The following COLGALT1 variants were observed in gnomAD, a reference collection of about 807,000 sequenced individuals.
COLGALT1 encodes the protein collagen beta(1-O)galactosyltransferase 1.
Under a neutral mutation model 60.8 loss-of-function variants are expected in COLGALT1, and 43 were observed. The ratio of observed to expected loss-of-function variants is 0.71; its 90% CI spans 0.55 to 0.91. The LOEUF (loss-of-function observed/expected upper bound fraction) is 0.91. Among genes scored for constraint, COLGALT1 ranks in the 40% least tolerant of loss-of-function variants. The probability of loss-of-function intolerance (pLI) is 0.00; values close to 1 mark genes in which losing one functional copy is unlikely to be tolerated. For missense variants in COLGALT1, 845 were observed against 880.0 expected, an observed-to-expected ratio of 0.96 and a Z score of 0.50; for synonymous variants, 369 against 374.2, an observed-to-expected ratio of 0.99 and a Z score of 0.16.
intron 4 of COLGALT1, 140 bp downstream of exon 4, chr19:17,567,680 T>G (rs770130476): frequency 1.1e-6 from 1 of 932,484 alleles, no homozygotes; most frequent in Non-Finnish European, 1.6e-6. Flanking sequence ...GGCTCACACC[T>G]GTAACCCCAG....
At position 17,581,074 on chromosome 19, in the gene COLGALT1, G is replaced by C. The variant is rs992449032; in HGVS notation, c.1602-103G>C. 1.7e-5 allele frequency: 24 copies of C among 1,438,402 alleles called. No individual in the cohort carries two copies. In the East Asian group the frequency reaches 3.0e-4, roughly 18 times the overall value. 89.1% of individuals were successfully genotyped at this position (1,438,402 alleles called of 1,614,324 possible). A position where few individuals can be genotyped will look rare whatever the true frequency, so the allele number is the denominator to read the frequency against. Reference sequence around the variant, plus strand: ...CCATTTGTATCCCCTGCACACTTACGTTTTAATCTGTCCCCGCTGACTTCT... The same window carrying C: ...CCATTTGTATCCCCTGCACACTTACCTTTTAATCTGTCCCCGCTGACTTCT... On this transcript the variant is annotated intron_variant, in intron 11 of 11. Coordinates refer to ENST00000252599, the MANE Select transcript of COLGALT1 (RefSeq NM_024656.4).
chr19:17,573,695 C>A (rs1433991852), intron 6 of COLGALT1, among the ~76,000 whole-genome samples: 1 of 151,044 alleles, frequency 6.6e-6, no homozygotes, highest in African/African-American at 2.4e-5. Flanking sequence ...AAGTCTGTCT[C>A]AAAAATAATA....
At position 17,561,913 on chromosome 19, in the gene COLGALT1, C is replaced by T. The variant is rs1244102995; in HGVS notation, c.489+1448C>T. On this transcript the variant is annotated intron_variant, in intron 3 of 11. Transcript: ENST00000252599. ...TTTTTGAGACAGAGTCTCTGTTGCC[C>T]AGGTTGGAGTGCAGTGGCACAATCT... 3.9e-5 allele frequency among the ~76,000 whole-genome samples: 6 copies of T among 152,238 alleles called. No homozygotes were observed. In the East Asian group the frequency reaches 1.2e-3, roughly 29 times the overall value.
intron 9 of COLGALT1, among the ~76,000 whole-genome samples, chr19:17,579,067 C>G (rs1352818889): frequency 1.3e-5 from 2 of 151,146 alleles, no homozygotes; most frequent in African/African-American, 4.9e-5. Flanking sequence ...CCCAGCTGCT[C>G]AGGAGGCTGA....
At chr19:17,567,293 G>T in intron 3 of COLGALT1, 113 bp from the exon 4 acceptor site, 1 of 1,398,038 alleles carries the variant, frequency 7.2e-7, no homozygotes, top group Non-Finnish European at 9.8e-7. Context: ...CGGTGTAGGG[G>T]GTGCTTCCAG....
Position 17,572,648 on chromosome 19 carries a change from C to A in COLGALT1, c.949+46C>A, listed in dbSNP as rs745970186. On this transcript the variant is annotated intron_variant, in intron 6 of 11. Coordinates refer to ENST00000252599, the MANE Select transcript of COLGALT1 (RefSeq NM_024656.4). Reference sequence around the variant, plus strand: ...CCCTGGGAGGTGCCAGGTTGCCTCCCTTTCACTGATGTCTCAAATCCGTCC... The same window carrying A: ...CCCTGGGAGGTGCCAGGTTGCCTCCATTTCACTGATGTCTCAAATCCGTCC... The A allele has an allele frequency of 2.5e-6, 4 of 1,609,738 alleles. No homozygotes were observed. In the East Asian group the frequency reaches 8.9e-5, roughly 36 times the overall value.
At chr19:17,577,158 C>G (rs576879176) in intron 6 of COLGALT1, 37 bp from the exon 7 acceptor site, 2 of 1,602,506 alleles carry the variant, frequency 1.2e-6, no homozygotes, top group East Asian at 2.2e-5. Flanking sequence ...CTGGAGGCTC[C>G]TTACCCCAGC....
At chr19:17,576,929 G>A (rs2076346050) in intron 6 of COLGALT1, 1 of 557,866 alleles carries the variant, frequency 1.8e-6, no homozygotes, top group Admixed American at 3.2e-5. Flanking sequence ...TGAAGCTGGG[G>A]CCTGGGGTGT....
chr19:17,580,561 A>T, intron 10 of COLGALT1, 138 bp from the exon 11 acceptor site: 1 of 791,254 alleles, frequency 1.3e-6, no homozygotes, highest in Non-Finnish European at 2.0e-6. Context: ...CATTCACTCC[A>T]TCCAGTCACA....
Position 17,582,811 on chromosome 19 carries a change from T to C in COLGALT1, c.*1367T>C, listed in dbSNP as rs2076392848. 6.6e-6 allele frequency: 1 copy of C among 152,282 alleles called. No individual in the cohort carries two copies. The highest frequency in any genetic ancestry group is 1.5e-5 in the Non-Finnish European group (1 of 68,074). 9.4% of individuals were successfully genotyped at this position (152,282 alleles called of 1,614,324 possible). A position where few individuals can be genotyped will look rare whatever the true frequency, so the allele number is the denominator to read the frequency against. On this transcript the variant is annotated 3_prime_UTR_variant, in exon 12 of 12. Transcript: ENST00000252599. ...GTCCTGGTGGCCCCACGCCACATGTTAGCCCCCCTGGAGGGGGCGCCAGTT... is the reference window on the plus strand; with the variant it reads ...GTCCTGGTGGCCCCACGCCACATGTCAGCCCCCCTGGAGGGGGCGCCAGTT...
At chr19:17,564,086 CA>C (rs201180929) in intron 3 of COLGALT1, among the ~76,000 whole-genome samples, 138 of 142,328 alleles carry the variant, frequency 9.7e-4, no homozygotes, top group Admixed American at 1.3e-3. Flanking sequence ...CAAAAACTAA[CA>C]AAAAAAAAAA....
intron 3 of COLGALT1, among the ~76,000 whole-genome samples, chr19:17,562,257 G>A (rs947319116): frequency 6.6e-6 from 1 of 152,210 alleles, no homozygotes; most frequent in African/African-American, 2.4e-5. Context: ...GTGGTGGCTA[G>A]AGGTCCAACT....
intron 9 of COLGALT1, 64 bp from the exon 10 acceptor site, chr19:17,579,418 T>G: frequency 1.9e-6 from 3 of 1,607,998 alleles, no homozygotes; most frequent in Non-Finnish European, 2.6e-6. Context: ...AAAGCAAAGC[T>G]CTGTGCTTTA....
At chr19:17,558,336 A>T (rs2076226498) in intron 1 of COLGALT1, among the ~76,000 whole-genome samples, 1 of 148,800 alleles carries the variant, frequency 6.7e-6, no homozygotes, top group Non-Finnish European at 1.5e-5. Flanking sequence ...CGGCCTCTCA[A>T]AGTGCTGGGA....
intron 5 of COLGALT1, among the ~76,000 whole-genome samples, chr19:17,572,239 C>T (rs551678315): frequency 2.6e-5 from 4 of 151,310 alleles, no homozygotes; most frequent in South Asian, 2.1e-4. Context: ...ACCCGGGAGG[C>T]GGAGGTTGCA....
At chr19:17,569,464 G>A (rs866720908) in intron 5 of COLGALT1, among the ~76,000 whole-genome samples, 1 of 150,234 alleles carries the variant, frequency 6.7e-6, no homozygotes, top group African/African-American at 2.5e-5. Flanking sequence ...TTGAAGTAGA[G>A]TCTTGCTCTG....
chr19:17,572,206 G>T (rs1271943764), intron 5 of COLGALT1, among the ~76,000 whole-genome samples: 1 of 152,000 alleles, frequency 6.6e-6, no homozygotes, highest in Middle Eastern at 3.2e-3. Context: ...TACTAGGGAG[G>T]CTGAGGCAGG....
rs187924902 is a variant in COLGALT1, at chr19:17,581,720, T to C, written c.*276T>C. ...CCCAGCATTTATTAAGCACCTGCTG[T>C]ATGCAAGGTTCCCATGTTACGGCAG... On this transcript the variant is annotated 3_prime_UTR_variant, in exon 12 of 12. Transcript: ENST00000252599. The C allele has an allele frequency of 1.1e-4, 53 of 502,186 alleles. No homozygotes were observed. In the Admixed American group the frequency reaches 1.6e-3, roughly 15 times the overall value. 31.1% of individuals were successfully genotyped at this position (502,186 alleles called of 1,614,324 possible).
At chr19:17,556,474 A>G in intron 1 of COLGALT1, 1 of 953,568 alleles carries the variant, frequency 1.0e-6, no homozygotes, top group Non-Finnish European at 1.2e-6. Context: ...GGCCCCAGTC[A>G]AACCCCTGCC....
Sources: allele counts gnomAD v4.1 joint callset (sites outside exome capture counted in the v4.1 genomes callset), GRCh38; gene constraint gnomAD v4.1.1; transcripts MANE v1.5; gene names NCBI Gene and HGNC (gene_info 2026-07-23, HGNC 2026-07-21).